The following CDC16 variants were observed in gnomAD, a reference collection of about 807,000 sequenced individuals.
CDC16 encodes the protein cell division cycle 16.
Under a neutral mutation model 87.0 loss-of-function variants are expected in CDC16, and 34 were observed. The ratio of observed to expected loss-of-function variants is 0.39; its 90% CI spans 0.30 to 0.52. The LOEUF is 0.52. Among genes scored for constraint, CDC16 ranks in the 20% least tolerant of loss-of-function variants. The pLI, the probability that CDC16 is intolerant of heterozygous loss-of-function variation, is 0.74. For missense variants in CDC16, 653 were observed against 751.9 expected (o/e 0.87, Z 1.54); for synonymous variants, 263 against 260.6 (o/e 1.01, Z -0.09).
At chr13:114,246,603 A>G (rs1429939201) in intron 10 of CDC16, among the ~76,000 whole-genome samples, 3 of 152,236 alleles carry the variant, frequency 2.0e-5, no homozygotes, top group Non-Finnish European at 4.4e-5. Flanking sequence ...CCAGCTAAAT[A>G]GTCAGAACTC....
chr13:114,242,127 A>G lies in CDC16; in HGVS notation c.388A>G (p.Ser130Gly). Residue 130 changes from serine (S) to glycine (G), a missense_variant, in exon 6 of 18, where the codon AGT becomes GGT. Ser to Gly is a moderately conservative substitution (Grantham distance 56). Coordinates refer to ENST00000356221, the MANE Select transcript of CDC16 (RefSeq NM_001078645.3). ...CTCATCATTTTTCCAACAGATAAAGAGTTCTATCTGTCTTCTACGCGGGAA... is the reference window on the plus strand; with the variant it reads ...CTCATCATTTTTCCAACAGATAAAGGGTTCTATCTGTCTTCTACGCGGGAA... The part of the protein sequence containing the change: ...DWEMSQSSIK[S>G]SICLLRGKIY... The G allele has an allele frequency of 2.5e-6, 4 of 1,597,936 alleles. No individual in the cohort carries two copies. The highest frequency in any genetic ancestry group is 3.4e-6 in the Non-Finnish European group (4 of 1,175,680).
intron 17 of CDC16, among the ~76,000 whole-genome samples, chr13:114,268,683 G>C (rs1287129097): frequency 1.3e-5 from 2 of 152,172 alleles, no homozygotes; most frequent in Non-Finnish European, 2.9e-5. Flanking sequence ...CCATAATGAT[G>C]GTGGTGTGTG....
chr13:114,246,856 A>G (rs960750239), intron 10 of CDC16, 75 bp from the exon 11 acceptor site: 11 of 875,738 alleles, frequency 1.3e-5, no homozygotes, highest in Middle Eastern at 2.4e-4. Context: ...CCCTCTGTCT[A>G]CCCTAATTTG....
At chr13:114,247,951 TCTC>T (rs548097757) in intron 11 of CDC16, among the ~76,000 whole-genome samples, 1,715 of 77,880 alleles carry the variant, frequency 0.022, 12 homozygotes, top group Non-Finnish European at 0.031. Context: ...TGAAAGTTTC[TCTC>T]TTTCGCTTAC....
At position 114,257,091 on chromosome 13, in the gene CDC16, A is replaced by G. The variant is rs747654288; in HGVS notation, c.1111A>G (p.Met371Val). The change falls in exon 13 of 18, where the codon ATG becomes GTG. Residue 371 changes from methionine (M) to valine (V), a missense_variant. By Grantham distance (21) the Met-to-Val change is conservative. Transcript: ENST00000356221. Reference protein sequence around the residue: ...AQLMKGCHLPMLYIGLEYGLT... With the variant: ...AQLMKGCHLPVLYIGLEYGLT... Reference sequence around the variant, plus strand: ...CCAATTTTTTAGGTGTCATTTGCCTATGCTGTATATTGGATTAGAATATGG... The same window carrying G: ...CCAATTTTTTAGGTGTCATTTGCCTGTGCTGTATATTGGATTAGAATATGG... 9.4e-6 allele frequency: 15 copies of G among 1,588,288 alleles called. No homozygotes were observed. The highest frequency in any genetic ancestry group is 1.7e-4 in the Middle Eastern group (1 of 5,998).
chr13:114,246,327 C>G (rs2081872062), intron 10 of CDC16, among the ~76,000 whole-genome samples: 1 of 152,156 alleles, frequency 6.6e-6, no homozygotes, highest in South Asian at 2.1e-4. Flanking sequence ...TAGCGTATAG[C>G]AATATAAAAT....
chr13:114,241,614 A>G (rs7982373), intron 5 of CDC16, among the ~76,000 whole-genome samples: 51,997 of 152,174 alleles, frequency 0.34, 10,992 homozygotes, highest in African/African-American at 0.6. Flanking sequence ...AGAGCAGTTG[A>G]AGCCCAGGGA....
rs370699247 is a variant in CDC16 at position 114,247,009 on chromosome 13, G to T, written c.971+5G>T. 1.8e-5 allele frequency: 29 copies of T among 1,596,488 alleles called. No homozygotes were observed. The African/African-American group carries it at 3.6e-4, about 20-fold the overall frequency. On this transcript the variant is annotated splice_donor_5th_base_variant and intron_variant, in intron 11 of 17. Coordinates refer to ENST00000356221, the MANE Select transcript of CDC16 (RefSeq NM_001078645.3). ...ACATGCCAGAAGATATCTCAGGTAT[G>T]AATTTATTTTTTTCCTCTCTAGTTA...
At chr13:114,236,769 C>G (rs759554338) in intron 2 of CDC16, 30 bp from the exon 3 acceptor site, 1 of 1,612,670 alleles carries the variant, frequency 6.2e-7, no homozygotes, top group Non-Finnish European at 8.5e-7. Context: ...CCTTGTACCT[C>G]TGACCACTTA....
chr13:114,239,585 T>G, intron 5 of CDC16, 95 bp downstream of exon 5: 1 of 1,305,178 alleles, frequency 7.7e-7, no homozygotes, highest in Non-Finnish European at 9.8e-7. Flanking sequence ...TATTACTATA[T>G]TAAAACAATT....
At position 114,243,315 on chromosome 13, in the gene CDC16, G is replaced by C; in HGVS notation, c.600G>C (p.Leu200Phe). The C allele has an allele frequency of 6.3e-7, 1 of 1,587,240 alleles. No individual in the cohort carries two copies. Among genetic ancestry groups the C allele is most frequent in the Non-Finnish European group, 8.7e-7 (1 of 1,156,050 alleles). ...LSKLCNEEQE[L>F]LRFLFENKLK... ...AGCTGTGTAATGAAGAACAGGAATTGCTGCGTTTTCTATTTGAGAACAAAT... is the reference window on the plus strand; with the variant it reads ...AGCTGTGTAATGAAGAACAGGAATTCCTGCGTTTTCTATTTGAGAACAAAT... The change falls in exon 7 of 18, where the codon TTG becomes TTC. Residue 200 changes from leucine (L) to phenylalanine (F), a missense_variant. By Grantham distance (22) the Leu-to-Phe change is conservative. Transcript: ENST00000356221.
intron 11 of CDC16, among the ~76,000 whole-genome samples, chr13:114,248,912 T>C (rs1020366666): frequency 6.6e-6 from 1 of 151,994 alleles, no homozygotes; most frequent in Non-Finnish European, 1.5e-5. Context: ...TGATGGACTC[T>C]TATCAGTGGT....
rs17337731 is a variant in CDC16, at chr13:114,235,417, A to G, written c.48+285A>G. Reference sequence around the variant, plus strand: ...CTGGCGCGGAGGAGGTGCCCAGGAAACACTGACTACTCAGTGCAAGTTGAA... The same window carrying G: ...CTGGCGCGGAGGAGGTGCCCAGGAAGCACTGACTACTCAGTGCAAGTTGAA... On this transcript the variant is annotated intron_variant, in intron 1 of 17. Transcript: ENST00000356221. 2.2e-3 allele frequency among the ~76,000 whole-genome samples: 330 copies of G among 152,332 alleles called. 2 individuals are homozygous for G. The highest frequency in any genetic ancestry group is 7.6e-3 in the African/African-American group (314 of 41,582).
Position 114,235,098 on chromosome 13 carries a change from G to A in CDC16, c.14G>A (p.Arg5Gln), listed in dbSNP as rs777723984. The change falls in exon 1 of 18, where the codon CGG (arginine) becomes CAG (glutamine). Residue 5 changes from arginine (R) to glutamine (Q), a missense_variant. Arg to Gln is a conservative substitution (Grantham distance 43). Coordinates refer to ENST00000356221, the MANE Select transcript of CDC16 (RefSeq NM_001078645.3). MNLE[R>Q]LRKRVRQYLD... ...GCCCGCGCCGCCATGAACCTAGAGC[G>A]GCTGCGGAAGCGCGTCCGGCAGTAC... The A allele has an allele frequency of 1.6e-6, 2 of 1,245,624 alleles. No individual in the cohort carries two copies. The highest frequency in any genetic ancestry group is 3.1e-5 in the East Asian group (1 of 31,844). The allele number at this position is 1,245,624 out of a possible 1,614,324, so 77.2% of individuals were successfully genotyped here.
rs1326750865 is a variant in CDC16 at position 114,246,125 on chromosome 13, A to G, written c.897+76A>G. The G allele has an allele frequency of 2.3e-5, 15 of 645,398 alleles. No individual in the cohort carries two copies. In the East Asian group the frequency reaches 4.5e-4, roughly 19 times the overall value. 40.0% of individuals were successfully genotyped at this position (645,398 alleles called of 1,614,324 possible). On this transcript the variant is annotated intron_variant, in intron 10 of 17. Coordinates refer to ENST00000356221, the MANE Select transcript of CDC16 (RefSeq NM_001078645.3). ...AAGAAAATGCTTAACTCGTATTTAG[A>G]CAATAGCTTAAGTTCAAGCAAATGA...
Position 114,240,057 on chromosome 13 carries a change from C to G in CDC16, c.381+567C>G, listed in dbSNP as rs573169476. Among the ~76,000 whole-genome samples the G allele has an allele frequency of 3.9e-5, 6 of 152,130 alleles. No individual in the cohort carries two copies. The South Asian group carries it at 8.3e-4, about 21-fold the overall frequency. ...ATTGAGGTATAATTTATATGCCATGCAGTTCCCCCATTTAAACTGTATGGT... is the reference window on the plus strand; with the variant it reads ...ATTGAGGTATAATTTATATGCCATGGAGTTCCCCCATTTAAACTGTATGGT... On this transcript the variant is annotated intron_variant, in intron 5 of 17. Coordinates refer to ENST00000356221, the MANE Select transcript of CDC16 (RefSeq NM_001078645.3).
intron 1 of CDC16, 92 bp downstream of exon 1, chr13:114,235,224 T>TG: frequency 1.1e-6 from 1 of 914,508 alleles, no homozygotes; most frequent in South Asian, 5.4e-5. Context: ...TCGGGGCTCT[T>TG]GGTGGGGAAG....
At chr13:114,237,774 T>C (rs2138850379) in intron 3 of CDC16, among the ~76,000 whole-genome samples, 1 of 152,356 alleles carries the variant, frequency 6.6e-6, no homozygotes. Flanking sequence ...TTGTCTGTTC[T>C]GTTACAGCCT....
chr13:114,252,867 C>G (rs2082272717), intron 12 of CDC16, among the ~76,000 whole-genome samples: 1 of 152,138 alleles, frequency 6.6e-6, no homozygotes, highest in South Asian at 2.1e-4. Flanking sequence ...GGTGTGGTAG[C>G]TCACACCTGT....
Sources: gnomAD v4.1 joint callset for allele counts (sites outside exome capture counted in the v4.1 genomes callset) on GRCh38, gnomAD v4.1.1 for gene constraint, MANE v1.5 for transcripts, NCBI Gene and HGNC (gene_info 2026-07-23, HGNC 2026-07-21) for gene names.